EMP3: variants seen among roughly 807,000 people sequenced by gnomAD.
EMP3 encodes the protein epithelial membrane protein 3.
EMP3 carries 15 observed loss-of-function variants against 21.6 expected under a neutral mutation model. That is an observed-to-expected ratio of 0.69 (90% CI 0.46 to 1.07). EMP3 has a LOEUF of 1.07. EMP3 is among the 50% of genes least tolerant of loss of function. The probability of loss-of-function intolerance (pLI) is 0.00; values close to 1 mark genes in which losing one functional copy is unlikely to be tolerated. For synonymous variants in EMP3, 107 were observed against 86.1 expected, an observed-to-expected ratio of 1.24 and a Z score of -1.34; for missense variants, 183 against 206.6, an observed-to-expected ratio of 0.89 and a Z score of 0.70.
Position 48,329,326 on chromosome 19 carries a change from C to A in EMP3, c.182-26C>A. On this transcript the variant is annotated intron_variant, in intron 3 of 4. Transcript: ENST00000270221. The surrounding 1 kb of genome is among the most constrained non-coding windows in gnomAD (Gnocchi z 4.5). Reference sequence around the variant, plus strand: ...TGGAACTCTGGACCCACGGTGATGTCCCCCTCTGTGTCCTCCTTACTGCAG... The same window carrying A: ...TGGAACTCTGGACCCACGGTGATGTACCCCTCTGTGTCCTCCTTACTGCAG... The A allele has an allele frequency of 6.2e-7, 1 of 1,613,602 alleles. No individual in the cohort carries two copies. Among genetic ancestry groups the A allele is most frequent in the Non-Finnish European group, 8.5e-7 (1 of 1,179,714 alleles).
Position 48,327,641 on chromosome 19 carries a change from C to T in EMP3, c.181+18C>T, listed in dbSNP as rs749652705. ...CGAGAATGGTGAGGGGTGAGGGCGG[C>T]GGGACTGGTCTTCAAAGGGGAAGGT... is the stretch of plus-strand genomic sequence containing the variant. On this transcript the variant is annotated intron_variant, in intron 3 of 4. Transcript: ENST00000270221. 10 of 1,605,088 alleles carry T rather than the reference C, an allele frequency of 6.2e-6. No homozygotes were observed. Among genetic ancestry groups the T allele is most frequent in the South Asian group, 1.1e-5 (1 of 90,188 alleles).
At chr19:48,328,411 C>CAAAAA (rs746709296) in intron 3 of EMP3, among the ~76,000 whole-genome samples, 4 of 80,580 alleles carry the variant, frequency 5.0e-5, no homozygotes, top group African/African-American at 1.5e-4. Context: ...GATTCTGTCT[C>CAAAAA]AAAAAAAAAA....
chr19:48,330,204 GC>G lies in EMP3; in HGVS notation c.323-94del, dbSNP rs1421940129. The G allele has an allele frequency of 6.2e-6, 9 of 1,452,086 alleles. No homozygotes were observed. The Admixed American group carries it at 1.1e-4, about 17-fold the overall frequency. The allele number at this position is 1,452,086 out of a possible 1,614,324, so 90.0% of individuals were successfully genotyped here. ...ACAACTCCCAGCAGGCAGCGGCGCT[GC>G]CCACGGGCCCTCCGGCGCTTCTTTG... is the stretch of plus-strand genomic sequence containing the variant. On this transcript the variant is annotated intron_variant, in intron 4 of 4. Coordinates refer to ENST00000270221, the MANE Select transcript of EMP3 (RefSeq NM_001425.3).
chr19:48,329,445 G>C lies in EMP3; in HGVS notation c.275G>C (p.Arg92Pro). 6.2e-7 allele frequency: 1 copy of C among 1,614,080 alleles called. No homozygotes were observed. Among genetic ancestry groups the C allele is most frequent in the Non-Finnish European group, 8.5e-7 (1 of 1,180,008 alleles). ...ILFMFQLYTM[R>P]RGGLFYATGL... ...TTCATGTTCCAGCTCTACACCATGCGACGAGGAGGTCTCTTCTATGCCACC... is the reference window on the plus strand; with the variant it reads ...TTCATGTTCCAGCTCTACACCATGCCACGAGGAGGTCTCTTCTATGCCACC... The change falls in exon 4 of 5, where the codon CGA becomes CCA. Residue 92 changes from arginine (R) to proline (P), a missense_variant. Transcript: ENST00000270221. This position sits in a 1 kb window ranked among gnomAD's most constrained non-coding sequence, Gnocchi z 4.5.
At chr19:48,328,795 TA>T (rs1444073227) in intron 3 of EMP3, among the ~76,000 whole-genome samples, 4 of 152,188 alleles carry the variant, frequency 2.6e-5, no homozygotes, top group Admixed American at 6.5e-5. Flanking sequence ...CTATTCCCAG[TA>T]AACATGTTGT....
In EMP3 at chr19:48,329,558, A is replaced by G; in HGVS notation, c.322+66A>G. 1 of 1,584,896 alleles carries G rather than the reference A, an allele frequency of 6.3e-7. No homozygotes were observed. Among genetic ancestry groups the G allele is most frequent in the Non-Finnish European group, 8.6e-7 (1 of 1,161,876 alleles). On this transcript the variant is annotated intron_variant, in intron 4 of 4. Coordinates refer to ENST00000270221, the MANE Select transcript of EMP3 (RefSeq NM_001425.3). This position sits in a 1 kb window ranked among gnomAD's most constrained non-coding sequence, Gnocchi z 4.5. ...GAGCAGAAGGGAGTGGGGTGTGTCA[A>G]GATGCTGGGGGCCCTGAGAATGGGC...
rs193193950 is a variant in EMP3 at position 48,326,941 on chromosome 19, C to T, written c.78+19C>T. ...GGACAAGGTAAGCCTACTTGGAGCT[C>T]AGGGCCCTTCTGTTCCCCTTTGGAA... On this transcript the variant is annotated intron_variant, in intron 2 of 4. Coordinates refer to ENST00000270221, the MANE Select transcript of EMP3 (RefSeq NM_001425.3). 7.8e-4 allele frequency: 1,253 copies of T among 1,609,038 alleles called. 10 individuals carry two copies. In the African/African-American group the frequency reaches 0.015, roughly 19 times the overall value.
At chr19:48,327,024 C>A in intron 2 of EMP3, 102 bp downstream of exon 2, 1 of 1,013,526 alleles carries the variant, frequency 9.9e-7, no homozygotes, top group Non-Finnish European at 1.5e-6. Flanking sequence ...CCTAGTATTT[C>A]TTTTTTATTT....
chr19:48,327,097 A>G (rs1969134669), intron 2 of EMP3, among the ~76,000 whole-genome samples, 175 bp downstream of exon 2: 1 of 151,842 alleles, frequency 6.6e-6, no homozygotes, highest in African/African-American at 2.4e-5. Context: ...CAGTGGTGCG[A>G]TCTCGGCTCA....
intron 2 of EMP3, 142 bp downstream of exon 2, chr19:48,327,064 A>T: frequency 1.3e-6 from 1 of 748,940 alleles, no homozygotes; most frequent in Non-Finnish European, 2.2e-6. Flanking sequence ...CAAGGGTCTC[A>T]CTCTGTCCCC....
intron 1 of EMP3, among the ~76,000 whole-genome samples, chr19:48,326,325 G>A (rs1969121958): frequency 6.6e-6 from 1 of 151,934 alleles, no homozygotes. Flanking sequence ...CACATTGCTA[G>A]TCCTCCTCAT....
In EMP3 at chr19:48,326,931, A is replaced by G; in HGVS notation, c.78+9A>G. 1 of 1,613,148 alleles carries G rather than the reference A, an allele frequency of 6.2e-7. No homozygotes were observed. The highest frequency in any genetic ancestry group is 8.5e-7 in the Non-Finnish European group (1 of 1,179,154). On this transcript the variant is annotated intron_variant, in intron 2 of 4. Coordinates refer to ENST00000270221, the MANE Select transcript of EMP3 (RefSeq NM_001425.3). ...TGGCCACTTTGGACAAGGTAAGCCT[A>G]CTTGGAGCTCAGGGCCCTTCTGTTC...
chr19:48,330,186 C>T (rs1969183016), intron 4 of EMP3, 115 bp from the exon 5 acceptor site: 3 of 1,422,108 alleles, frequency 2.1e-6, no homozygotes, highest in African/African-American at 1.5e-5. Context: ...ACCACAACTC[C>T]CAGCAGGCAG....
At position 48,328,529 on chromosome 19, in the gene EMP3, C is replaced by T. The variant is rs150677952; in HGVS notation, c.182-823C>T. ...GGTGCTCTGAATGGATGCCTGGGAC[C>T]ATTTCATCCAAATTCCAAGGGGATG... is the stretch of plus-strand genomic sequence containing the variant. On this transcript the variant is annotated intron_variant, in intron 3 of 4. Coordinates refer to ENST00000270221, the MANE Select transcript of EMP3 (RefSeq NM_001425.3). Among the ~76,000 whole-genome samples the T allele has an allele frequency of 6.8e-4, 104 of 152,106 alleles. 1 individual carries two copies. Among genetic ancestry groups the T allele is most frequent in the African/African-American group, 2.4e-3 (100 of 41,472 alleles).
intron 3 of EMP3, among the ~76,000 whole-genome samples, chr19:48,328,312 T>C (rs2147345604): frequency 6.7e-6 from 1 of 148,564 alleles, no homozygotes; most frequent in African/African-American, 2.5e-5. Flanking sequence ...CTTGGGAGGC[T>C]GAGGCAGAAG....
chr19:48,325,791 G>A (rs1969113628), intron 1 of EMP3, among the ~76,000 whole-genome samples, 181 bp downstream of exon 1: 1 of 152,090 alleles, frequency 6.6e-6, no homozygotes, highest in Middle Eastern at 3.4e-3. Context: ...GCCCGGCAAA[G>A]TTTTGGGGTC....
At position 48,327,628 on chromosome 19, in the gene EMP3, GGGGTGAGGGCGGC is replaced by G. The variant is rs748118595; in HGVS notation, c.181+9_181+21del. On this transcript the variant is annotated splice_donor_region_variant and intron_variant, in intron 3 of 4. Transcript: ENST00000270221. ...GCAGTAATGTCAGCGAGAATGGTGA[GGGGTGAGGGCGGC>G]GGGACTGGTCTTCAAAGGGGAAGGT... 6.2e-7 allele frequency: 1 copy of G among 1,613,112 alleles called. No individual in the cohort carries two copies. The highest frequency in any genetic ancestry group is 1.1e-5 in the South Asian group (1 of 90,894).
intron 2 of EMP3, 144 bp downstream of exon 2, chr19:48,327,066 T>C (rs535876068): frequency 6.6e-6 from 5 of 757,852 alleles, no homozygotes; most frequent in Non-Finnish European, 1.1e-5. Context: ...AGGGTCTCAC[T>C]CTGTCCCCCA....
At position 48,330,308 on chromosome 19, in the gene EMP3, G is replaced by T; in HGVS notation, c.330G>T (p.Ala110=). ...GGTTTTCATCTTCCGCAGGCGTGGCGGTGTTTACTGGCGCCTTGATCTATG... is the reference window on the plus strand; with the variant it reads ...GGTTTTCATCTTCCGCAGGCGTGGCTGTGTTTACTGGCGCCTTGATCTATG... The part of the protein sequence containing the change: ...TGLCQLCTSV[A]VFTGALIYAI... The change falls in exon 5 of 5, where the codon GCG becomes GCT. Residue 110 remains alanine (A), a synonymous_variant. Transcript: ENST00000270221. The T allele has an allele frequency of 6.3e-7, 1 of 1,585,190 alleles. No homozygotes were observed. The highest frequency in any genetic ancestry group is 1.1e-5 in the South Asian group (1 of 88,868).
Sources: allele counts gnomAD v4.1 joint callset (sites outside exome capture counted in the v4.1 genomes callset), GRCh38; gene constraint gnomAD v4.1.1; non-coding constraint Gnocchi (gnomAD v3.1); transcripts MANE v1.5; gene names NCBI Gene and HGNC (gene_info 2026-07-23, HGNC 2026-07-21).